Variants in MUC7 observed in about 807,000 individuals in gnomAD.
MUC7 encodes the protein mucin-7.
Under a neutral mutation model 2.5 loss-of-function variants are expected in MUC7, and 2 were observed. That is an observed-to-expected ratio of 0.81 (90% confidence interval 0.33 to 2.55). The LOEUF is 2.55. MUC7 is among the 30% of genes most tolerant of loss of function. The pLI is 0.11. For synonymous variants in MUC7, 133 were observed against 173.4 expected (o/e 0.77, Z 1.83); for missense variants, 408 against 455.6 (o/e 0.90, Z 0.95).
At position 70,481,334 on chromosome 4, in the gene MUC7, C is replaced by T. The variant is rs866318994; in HGVS notation, c.590C>T (p.Ala197Val). 3 of 1,611,800 alleles carry T rather than the reference C, an allele frequency of 1.9e-6. No homozygotes were observed. Among genetic ancestry groups the T allele is most frequent in the Non-Finnish European group, 2.5e-6 (3 of 1,179,120 alleles). ...ACAGCTGCCCCACCCACACCTTCTGCAACTACACAAGCTCCACCATCTTCC... is the reference window on the plus strand; with the variant it reads ...ACAGCTGCCCCACCCACACCTTCTGTAACTACACAAGCTCCACCATCTTCC... ...ETTAAPPTPS[A>V]TTQAPPSSSA... The change falls in exon 3 of 3, where the codon GCA becomes GTA. Residue 197 changes from alanine to valine, a missense_variant. Physicochemically the swap from Ala to Val is moderately conservative, Grantham distance 64 (BLOSUM62 0). This residue lies in a region of MUC7 where 225 missense variants were observed against 240.5 expected (regional missense o/e 0.94). Transcript: ENST00000304887.
At chr4:70,459,651 A>G (rs1360267483) in intron 1 of MUC7, among the ~76,000 whole-genome samples, 1 of 152,140 alleles carries the variant, frequency 6.6e-6, no homozygotes, top group East Asian at 1.9e-4. Context: ...AGACAGTATA[A>G]CAGAAACAGA....
intron 2 of MUC7, among the ~76,000 whole-genome samples, chr4:70,475,895 C>G (rs1414892699): frequency 1.3e-5 from 2 of 152,102 alleles, no homozygotes; most frequent in African/African-American, 4.8e-5. Flanking sequence ...TTCTCACTTA[C>G]CTTATAATAT....
chr4:70,458,076 C>A (rs1438103810), intron 1 of MUC7, among the ~76,000 whole-genome samples: 1 of 151,776 alleles, frequency 6.6e-6, no homozygotes, highest in Non-Finnish European at 1.5e-5. Flanking sequence ...ATAGATGAAA[C>A]AATTCTAAGC....
chr4:70,466,601 A>T (rs1159015748), intron 1 of MUC7, among the ~76,000 whole-genome samples: 1 of 151,890 alleles, frequency 6.6e-6, no homozygotes, highest in African/African-American at 2.4e-5. Context: ...AAAAAAGCAG[A>T]GGTTGCAATC....
chr4:70,444,051 T>TA, intron 1 of MUC7, among the ~76,000 whole-genome samples: 1 of 152,130 alleles, frequency 6.6e-6, no homozygotes. Context: ...CCACAAGCCT[T>TA]AAACCACTGC....
intron 1 of MUC7, among the ~76,000 whole-genome samples, chr4:70,467,057 G>GATT (rs1734702486): frequency 6.6e-6 from 1 of 152,120 alleles, no homozygotes; most frequent in Non-Finnish European, 1.5e-5. Flanking sequence ...ATAACAAACA[G>GATT]TCTCTCAGAC....
chr4:70,436,181 TG>T (rs1733827243), intron 1 of MUC7, among the ~76,000 whole-genome samples: 1 of 152,164 alleles, frequency 6.6e-6, no homozygotes, highest in African/African-American at 2.4e-5. Flanking sequence ...TCATGTGTCT[TG>T]GGGTTGCTCT....
intron 1 of MUC7, among the ~76,000 whole-genome samples, chr4:70,460,607 A>T (rs1292749132): frequency 6.6e-6 from 1 of 151,954 alleles, no homozygotes; most frequent in Non-Finnish European, 1.5e-5. Flanking sequence ...TGAAAAGCAC[A>T]CACTTTGGTT....
At chr4:70,435,114 G>A (rs1425380931) in intron 1 of MUC7, among the ~76,000 whole-genome samples, 10 of 152,174 alleles carry the variant, frequency 6.6e-5, no homozygotes, top group Admixed American at 6.5e-4. Flanking sequence ...GCTGAGGCAT[G>A]TTTTATTTCC....
intron 1 of MUC7, among the ~76,000 whole-genome samples, chr4:70,433,175 C>A (rs1479583162): frequency 6.6e-6 from 1 of 152,058 alleles, no homozygotes; most frequent in Non-Finnish European, 1.5e-5. Context: ...ATGCCTCCAG[C>A]TTTGTTCTTT....
intron 2 of MUC7, 21 bp downstream of exon 2, chr4:70,474,096 G>GT (rs749230356): frequency 3.1e-6 from 5 of 1,607,084 alleles, no homozygotes; most frequent in Admixed American, 3.4e-5. Context: ...ACCCAAATAA[G>GT]TTTTTTCCTT....
At chr4:70,432,103 T>C (rs1289199599) in intron 1 of MUC7, among the ~76,000 whole-genome samples, 1 of 152,252 alleles carries the variant, frequency 6.6e-6, no homozygotes, top group Non-Finnish European at 1.5e-5. Flanking sequence ...CTGCATAGTA[T>C]TCCATGGTGT....
chr4:70,482,112 C>A lies in MUC7; in HGVS notation c.*234C>A. On this transcript the variant is annotated 3_prime_UTR_variant, in exon 3 of 3. Transcript: ENST00000304887. ...GGGGTTCAAAATAACTCTTTGGATCCTACAGAGATAGCCTACTGAGGGCAA... is the reference window on the plus strand; with the variant it reads ...GGGGTTCAAAATAACTCTTTGGATCATACAGAGATAGCCTACTGAGGGCAA... 1.9e-6 allele frequency: 1 copy of A among 533,042 alleles called. No individual in the cohort carries two copies. Among genetic ancestry groups the A allele is most frequent in the Non-Finnish European group, 3.3e-6 (1 of 305,674 alleles). 33.0% of individuals were successfully genotyped at this position (533,042 alleles called of 1,614,324 possible).
At chr4:70,450,568 C>G (rs1734255360) in intron 1 of MUC7, among the ~76,000 whole-genome samples, 1 of 152,158 alleles carries the variant, frequency 6.6e-6, no homozygotes, top group Admixed American at 6.5e-5. Context: ...CACCTGAAGC[C>G]AGCAAGTCTC....
intron 1 of MUC7, among the ~76,000 whole-genome samples, chr4:70,456,251 A>G (rs1387966): frequency 0.81 from 122,784 of 152,096 alleles, 50,035 homozygotes; most frequent in Middle Eastern, 0.88. Context: ...CATTTACTCA[A>G]AAAGATTAAT....
chr4:70,453,048 T>C (rs1734318014), intron 1 of MUC7, among the ~76,000 whole-genome samples: 1 of 152,236 alleles, frequency 6.6e-6, no homozygotes, highest in African/African-American at 2.4e-5. Flanking sequence ...CACTGAAAAT[T>C]CTTCTGCCAT....
intron 1 of MUC7, among the ~76,000 whole-genome samples, chr4:70,431,975 C>T (rs1386193722): frequency 6.6e-6 from 1 of 152,104 alleles, no homozygotes. Context: ...TCAATTCCCA[C>T]CTATGAGTAA....
Position 70,481,025 on chromosome 4 carries a change from C to T in MUC7, c.281C>T (p.Pro94Leu). 1 of 1,614,124 alleles carries T rather than the reference C, an allele frequency of 6.2e-7. No homozygotes were observed. Among genetic ancestry groups the T allele is most frequent in the Non-Finnish European group, 8.5e-7 (1 of 1,180,028 alleles). The change falls in exon 3 of 3, where the codon CCA (proline) becomes CTA (leucine). Residue 94 changes from proline to leucine, a missense_variant. By Grantham distance (98) the Pro-to-Leu change is moderately conservative. Coordinates refer to ENST00000304887, the MANE Select transcript of MUC7 (RefSeq NM_152291.3). ...AATCCTCACCAGCCACCTAAACATC[C>T]AGATAAAAATAGCAGTGTGGTCAAC... Reference protein sequence around the residue: ...FPNPHQPPKHPDKNSSVVNPT... With the variant: ...FPNPHQPPKHLDKNSSVVNPT...
rs1186843522 is a variant in MUC7, at chr4:70,474,402, C to T, written c.54+327C>T. Among the ~76,000 whole-genome samples the T allele has an allele frequency of 2.6e-5, 4 of 152,148 alleles. No individual in the cohort carries two copies. The East Asian group carries it at 7.7e-4, about 29-fold the overall frequency. On this transcript the variant is annotated intron_variant, in intron 2 of 2. Transcript: ENST00000304887. ...AGGTGTGGTGGTGCGTGCCTGTAAT[C>T]CCAACTACTCGGAGGCTGAGGTTGG...
Sources: allele counts gnomAD v4.1 joint callset (sites outside exome capture counted in the v4.1 genomes callset), GRCh38; gene constraint gnomAD v4.1.1; regional missense constraint gnomAD v4.1.1; transcripts MANE v1.5; gene names NCBI Gene and HGNC (gene_info 2026-07-23, HGNC 2026-07-21).